EEF1AKMT1: variants seen among roughly 807,000 people sequenced by gnomAD.
EEF1AKMT1 encodes N-6 adenine-specific DNA methyltransferase 2 (putative).
In EEF1AKMT1, 18 loss-of-function variants were observed where a neutral mutation model predicts 21.0. That is an observed-to-expected ratio of 0.86 (90% CI 0.59 to 1.27). EEF1AKMT1 has a LOEUF of 1.27. EEF1AKMT1 is among the 50% of genes most tolerant of loss of function. The probability of loss-of-function intolerance (pLI) is 0.00; values close to 1 mark genes in which losing one functional copy is unlikely to be tolerated. For missense variants in EEF1AKMT1, 246 were observed against 258.6 expected, an observed-to-expected ratio of 0.95 and a Z score of 0.33; for synonymous variants, 109 against 94.8, an observed-to-expected ratio of 1.15 and a Z score of -0.87.
At chr13:20,746,075 C>T (rs1370572702) in intron 2 of EEF1AKMT1, among the ~76,000 whole-genome samples, 4 of 151,658 alleles carry the variant, frequency 2.6e-5, no homozygotes, top group Non-Finnish European at 4.4e-5. Flanking sequence ...CATAAGTCCA[C>T]GTTTAAAATA....
intron 1 of EEF1AKMT1, among the ~76,000 whole-genome samples, chr13:20,766,401 T>G (rs1211721559): frequency 1.3e-5 from 2 of 151,646 alleles, no homozygotes; most frequent in Non-Finnish European, 2.9e-5. Context: ...AGACAGTATA[T>G]AATGTTGTAT....
chr13:20,738,649 C>T (rs1302431389), intron 2 of EEF1AKMT1, among the ~76,000 whole-genome samples: 1 of 152,094 alleles, frequency 6.6e-6, no homozygotes, highest in Non-Finnish European at 1.5e-5. Flanking sequence ...ATTATTTGGC[C>T]ATAAAAAGGA....
chr13:20,756,842 T>C (rs1326899743), intron 2 of EEF1AKMT1, among the ~76,000 whole-genome samples: 1 of 152,208 alleles, frequency 6.6e-6, no homozygotes, highest in Admixed American at 6.5e-5. Context: ...CTTTACCTTT[T>C]TTGCATACTC....
chr13:20,736,655 G>A (rs1390152276), intron 3 of EEF1AKMT1, among the ~76,000 whole-genome samples: 3 of 151,710 alleles, frequency 2.0e-5, no homozygotes, highest in Non-Finnish European at 4.4e-5. Flanking sequence ...CTTACTGATA[G>A]GATATTTAGA....
chr13:20,733,999 CAT>C lies in EEF1AKMT1; in HGVS notation c.228-1880_228-1879del, dbSNP rs372417004. Among the ~76,000 whole-genome samples the C allele has an allele frequency of 3.2e-4, 48 of 152,236 alleles. No homozygotes were observed. In the South Asian group the frequency reaches 7.7e-3, roughly 24 times the overall value. On this transcript the variant is annotated intron_variant, in intron 3 of 4. Transcript: ENST00000382758. The stretch of plus-strand genomic sequence containing the variant: ...ACATCGCATAATGTTTCTTTGGAAA[CAT>C]GTGTTTCCCTGCTGGCAGGACACAA...
At chr13:20,752,316 G>C (rs1293384052) in intron 2 of EEF1AKMT1, among the ~76,000 whole-genome samples, 1 of 151,960 alleles carries the variant, frequency 6.6e-6, no homozygotes, top group Non-Finnish European at 1.5e-5. Context: ...GATGAGGTAT[G>C]TTCCTTTATG....
At chr13:20,754,281 T>TC (rs398021806) in intron 2 of EEF1AKMT1, among the ~76,000 whole-genome samples, 1 of 151,714 alleles carries the variant, frequency 6.6e-6, no homozygotes, top group African/African-American at 2.4e-5. Context: ...TCTTTTTTTT[T>TC]CTTTCAATAT....
At chr13:20,748,537 C>T (rs971438312) in intron 2 of EEF1AKMT1, among the ~76,000 whole-genome samples, 12 of 151,962 alleles carry the variant, frequency 7.9e-5, no homozygotes, top group Admixed American at 2.0e-4. Context: ...CAGAAGCAAC[C>T]ATTTTCAATT....
chr13:20,748,328 C>G (rs2141424724), intron 2 of EEF1AKMT1, among the ~76,000 whole-genome samples: 1 of 151,698 alleles, frequency 6.6e-6, no homozygotes, highest in South Asian at 2.1e-4. Flanking sequence ...CCCAGCTACT[C>G]AGGAGGTGAG....
chr13:20,748,726 G>GTTGTTGTTTT (rs2058924339), intron 2 of EEF1AKMT1, among the ~76,000 whole-genome samples: 1 of 72,614 alleles, frequency 1.4e-5, no homozygotes, highest in African/African-American at 6.3e-5. Context: ...TTTTTTTTTG[G>GTTGTTGTTTT]TTTTTTTTTT....
chr13:20,768,544 C>CT (rs2059047839), intron 1 of EEF1AKMT1, among the ~76,000 whole-genome samples: 1 of 152,150 alleles, frequency 6.6e-6, no homozygotes, highest in South Asian at 2.1e-4. Context: ...ACCTGGAGTT[C>CT]TTTCTCTATT....
intron 3 of EEF1AKMT1, among the ~76,000 whole-genome samples, chr13:20,736,571 C>T (rs1317070320): frequency 6.6e-6 from 1 of 151,754 alleles, no homozygotes; most frequent in African/African-American, 2.4e-5. Flanking sequence ...CAGCGCAAGA[C>T]CATGCACACT....
chr13:20,729,037 G>T lies in EEF1AKMT1; in HGVS notation c.*43C>A. 1 of 1,610,516 alleles carries T rather than the reference G, an allele frequency of 6.2e-7. No individual in the cohort carries two copies. Among genetic ancestry groups the T allele is most frequent in the Non-Finnish European group, 8.5e-7 (1 of 1,177,056 alleles). On this transcript the variant is annotated 3_prime_UTR_variant, in exon 5 of 5. Coordinates refer to ENST00000382758, the MANE Select transcript of EEF1AKMT1 (RefSeq NM_001318939.2). ...ATCTACTACGAAAATACAAAAAGAG[G>T]AATGTGACAGGGTTCCTTCCTGTGT...
chr13:20,767,162 C>T (rs1003110213), intron 1 of EEF1AKMT1, among the ~76,000 whole-genome samples: 2 of 151,580 alleles, frequency 1.3e-5, no homozygotes, highest in Admixed American at 6.6e-5. Flanking sequence ...AAAAATTAGC[C>T]GGGCGTTGTG....
At chr13:20,758,969 T>G (rs1388184605) in intron 1 of EEF1AKMT1, among the ~76,000 whole-genome samples, 1 of 152,246 alleles carries the variant, frequency 6.6e-6, no homozygotes, top group Admixed American at 6.5e-5. Flanking sequence ...GCTAGCCATT[T>G]GCAGAAGAGT....
chr13:20,771,081 A>G (rs2059060692), intron 1 of EEF1AKMT1, among the ~76,000 whole-genome samples: 1 of 152,056 alleles, frequency 6.6e-6, no homozygotes, highest in Admixed American at 6.5e-5. Flanking sequence ...CATGTTGCCC[A>G]GGCTGGTCCT....
intron 1 of EEF1AKMT1, 79 bp downstream of exon 1, chr13:20,773,841 AC>A (rs2059075898): frequency 6.6e-6 from 1 of 152,604 alleles, no homozygotes; most frequent in South Asian, 2.1e-4. Context: ...AAACAAACAC[AC>A]AAAAGGCACC....
At chr13:20,737,636 T>C in intron 3 of EEF1AKMT1, 87 bp downstream of exon 3, 1 of 1,114,542 alleles carries the variant, frequency 9.0e-7, no homozygotes, top group African/African-American at 1.5e-5. Context: ...CAGATTATAG[T>C]TCAGACTTCT....
intron 2 of EEF1AKMT1, among the ~76,000 whole-genome samples, chr13:20,751,032 T>A (rs2058937482): frequency 6.6e-6 from 1 of 152,186 alleles, no homozygotes; most frequent in Admixed American, 6.5e-5. Flanking sequence ...TGGGATTATT[T>A]GGTTTTGAAA....
Sources: allele counts gnomAD v4.1 joint callset (sites outside exome capture counted in the v4.1 genomes callset), GRCh38; gene constraint gnomAD v4.1.1; transcripts MANE v1.5; gene names NCBI Gene and HGNC (gene_info 2026-07-23, HGNC 2026-07-21).